The following SLC39A14 variants were observed in gnomAD, a reference collection of about 807,000 sequenced individuals.
SLC39A14 encodes solute carrier family 39 member 14, also known as metal cation symporter ZIP14.
In SLC39A14, 19 loss-of-function variants were observed where a neutral mutation model predicts 45.5. The observed-to-expected ratio is 0.42, with a 90% CI of 0.29 to 0.61. SLC39A14 has a LOEUF of 0.61. Among genes scored for constraint, SLC39A14 ranks in the 20% least tolerant of loss-of-function variants. The pLI is 0.22. For missense variants in SLC39A14, 447 were observed against 616.5 expected (o/e 0.73, Z 2.91); for synonymous variants, 264 against 251.3 (o/e 1.05, Z -0.48).
At chr8:22,385,391 G>T (rs191829733) in intron 1 of SLC39A14, among the ~76,000 whole-genome samples, 7 of 152,332 alleles carry the variant, frequency 4.6e-5, no homozygotes, top group Admixed American at 3.3e-4. Context: ...GTTAGGAGGA[G>T]ATGGATAATG....
At chr8:22,399,432 CT>C (rs1834721028) in intron 1 of SLC39A14, among the ~76,000 whole-genome samples, 2 of 152,260 alleles carry the variant, frequency 1.3e-5, no homozygotes, top group African/African-American at 4.8e-5. Context: ...TTAAGTGTCA[CT>C]CGCAGCTCCT....
chr8:22,367,475 G>A lies in SLC39A14; in HGVS notation c.-16+67G>A, dbSNP rs960341102. The A allele has an allele frequency of 6.6e-6, 1 of 152,166 alleles. No homozygotes were observed. The highest frequency in any genetic ancestry group is 6.6e-5 in the Admixed American group (1 of 15,264). 9.4% of individuals were successfully genotyped at this position (152,166 alleles called of 1,614,324 possible). A position where few individuals can be genotyped will look rare whatever the true frequency, so the allele number is the denominator to read the frequency against. On this transcript the variant is annotated intron_variant, in intron 1 of 8. Transcript: ENST00000381237. This position sits in a 1 kb window ranked among gnomAD's most constrained non-coding sequence, Gnocchi z 4.2. ...GGAGGAGCCCCGCACCCCAGGCTGG[G>A]GCAGTGGGTGGGGGCGGGGACAGCC...
intron 3 of SLC39A14, 119 bp from the exon 4 acceptor site, chr8:22,411,918 T>G (rs1835591538): frequency 1.1e-6 from 1 of 923,614 alleles, no homozygotes; most frequent in East Asian, 2.7e-5. Context: ...CACCAAACTT[T>G]TCCTTGCGAC....
chr8:22,418,279 C>T (rs1460282308), intron 8 of SLC39A14, among the ~76,000 whole-genome samples: 1 of 152,046 alleles, frequency 6.6e-6, no homozygotes, highest in Admixed American at 6.6e-5. Flanking sequence ...GGTGTACCTA[C>T]CATTCAGCGG....
intron 5 of SLC39A14, 98 bp from the exon 6 acceptor site, chr8:22,415,671 G>C (rs1835829525): frequency 9.1e-7 from 1 of 1,103,810 alleles, no homozygotes; most frequent in Non-Finnish European, 1.3e-6. Context: ...GTAAGGCTGA[G>C]GTCTTCCAGT....
intron 2 of SLC39A14, among the ~76,000 whole-genome samples, chr8:22,407,143 A>G (rs1000454582): frequency 6.6e-6 from 1 of 152,150 alleles, no homozygotes; most frequent in African/African-American, 2.4e-5. Flanking sequence ...GTGAACACAT[A>G]TGTCTTTCAG....
At chr8:22,369,881 T>G (rs1465285298) in intron 1 of SLC39A14, among the ~76,000 whole-genome samples, 1 of 152,116 alleles carries the variant, frequency 6.6e-6, no homozygotes, top group Non-Finnish European at 1.5e-5. Flanking sequence ...GTTGTAGGAA[T>G]GGTGTGAGCC....
At chr8:22,373,379 G>A (rs75823318) in intron 1 of SLC39A14, among the ~76,000 whole-genome samples, 10,526 of 151,970 alleles carry the variant, frequency 0.069, 465 homozygotes, top group Non-Finnish European at 0.1. Flanking sequence ...ATTATTTATT[G>A]GATGATAATG....
intron 1 of SLC39A14, among the ~76,000 whole-genome samples, chr8:22,369,255 C>T (rs1222116410): frequency 3.9e-5 from 6 of 152,198 alleles, no homozygotes; most frequent in African/African-American, 4.8e-5. Context: ...TTTTACTCAT[C>T]TGGCCTCTGG....
At chr8:22,425,803 A>G (rs569091827), downstream of SLC39A14, among the ~76,000 whole-genome samples, 29 of 150,536 alleles carry the variant, frequency 1.9e-4, no homozygotes, top group South Asian at 1.1e-3. Context: ...GGTAGCATCA[A>G]TTATGGTTAA....
chr8:22,396,600 A>AGAC lies in SLC39A14; in HGVS notation c.-15-8095_-15-8093dup, dbSNP rs1834496729. On this transcript the variant is annotated intron_variant, in intron 1 of 8. Transcript: ENST00000381237. ...AGAGAGAGAGAGAGAGAGAGAGAGA[A>AGAC]GACTAAGTGGAATTTGGAATTGGAT... 6.7e-4 allele frequency among the ~76,000 whole-genome samples: 17 copies of AGAC among 25,190 alleles called. 7 individuals carry two copies. Among genetic ancestry groups the AGAC allele is most frequent in the African/African-American group, 1.2e-3 (15 of 12,112 alleles). The allele number at this position is 25,190 out of a possible 152,430, so 16.5% of individuals were successfully genotyped here. A position where few individuals can be genotyped will look rare whatever the true frequency, so the allele number is the denominator to read the frequency against.
At chr8:22,387,354 C>G (rs551191738) in intron 1 of SLC39A14, among the ~76,000 whole-genome samples, 2 of 152,058 alleles carry the variant, frequency 1.3e-5, no homozygotes. Context: ...CAGAAAGGAG[C>G]CTGTCCGAGT....
chr8:22,395,370 C>T (rs1834326673), intron 1 of SLC39A14, among the ~76,000 whole-genome samples: 1 of 152,206 alleles, frequency 6.6e-6, no homozygotes. Flanking sequence ...TGTCTTCTCA[C>T]TGTTTTTGGT....
chr8:22,402,169 C>G (rs1421868291), intron 1 of SLC39A14, among the ~76,000 whole-genome samples: 1 of 152,074 alleles, frequency 6.6e-6, no homozygotes, highest in African/African-American at 2.4e-5. Flanking sequence ...GTCACGAGGT[C>G]AGGAGATTGA....
chr8:22,400,377 C>G (rs909243103), intron 1 of SLC39A14, among the ~76,000 whole-genome samples: 3 of 152,180 alleles, frequency 2.0e-5, no homozygotes, highest in Admixed American at 6.5e-5. Flanking sequence ...TCGGTAAATG[C>G]TAGCTGCTGT....
At chr8:22,418,719 T>C (rs1836039122) in intron 8 of SLC39A14, among the ~76,000 whole-genome samples, 1 of 151,938 alleles carries the variant, frequency 6.6e-6, no homozygotes, top group Admixed American at 6.6e-5. Flanking sequence ...TTTTATAGAA[T>C]GGGGTCTCTA....
intron 1 of SLC39A14, among the ~76,000 whole-genome samples, chr8:22,384,811 A>G (rs796828931): frequency 8.0e-5 from 12 of 150,346 alleles, no homozygotes; most frequent in African/African-American, 2.9e-4. Flanking sequence ...GCACTTTGGG[A>G]GGCCAAGGCA....
chr8:22,425,480 G>C (rs1410338588), downstream of SLC39A14, among the ~76,000 whole-genome samples: 1 of 151,488 alleles, frequency 6.6e-6, no homozygotes, highest in African/African-American at 2.4e-5. Flanking sequence ...TGTGGACGTA[G>C]TGTTTTTGAT....
chr8:22,424,833 C>G (rs559321806), downstream of SLC39A14, among the ~76,000 whole-genome samples: 4 of 152,170 alleles, frequency 2.6e-5, no homozygotes, highest in South Asian at 8.3e-4. Flanking sequence ...TTGAGGCCAG[C>G]CTGGCCAACA....
Sources: gnomAD v4.1 joint callset for allele counts (sites outside exome capture counted in the v4.1 genomes callset) on GRCh38, gnomAD v4.1.1 for gene constraint, Gnocchi (gnomAD v3.1) non-coding constraint, MANE v1.5 for transcripts, NCBI Gene and HGNC (gene_info 2026-07-23, HGNC 2026-07-21) for gene names.